IL7: variants seen among roughly 807,000 people sequenced by gnomAD.
IL7 encodes interleukin 7.
Under a neutral mutation model 21.6 loss-of-function variants are expected in IL7, and 3 were observed. That is an observed-to-expected ratio of 0.14 (90% CI 0.06 to 0.36). The LOEUF (loss-of-function observed/expected upper bound fraction) is 0.36. Among genes scored for constraint, IL7 ranks in the 10% least tolerant of loss-of-function variants. IL7 has a pLI of 1.00. For missense variants in IL7, 175 were observed against 200.2 expected (o/e 0.87, Z 0.76); for synonymous variants, 62 against 68.1 (o/e 0.91, Z 0.44).
chr8:78,732,896 A>G lies in IL7; in HGVS notation c.*817T>C, dbSNP rs1418602760. On this transcript the variant is annotated 3_prime_UTR_variant, in exon 6 of 6. Transcript: ENST00000263851. ...AAAATTAAATACAGATATTTCATTA[A>G]TTAAAAGGTAAACATATATTATTAT... is the stretch of plus-strand genomic sequence containing the variant. 1 of 152,112 alleles carries G rather than the reference A, an allele frequency of 6.6e-6. No homozygotes were observed. Among genetic ancestry groups the G allele is most frequent in the Non-Finnish European group, 1.5e-5 (1 of 67,986 alleles). The allele number at this position is 152,112 out of a possible 1,614,324, so 9.4% of individuals were successfully genotyped here. A position where few individuals can be genotyped will look rare whatever the true frequency, so the allele number is the denominator to read the frequency against.
chr8:78,744,659 TCTC>T (rs1480437452), intron 2 of IL7, among the ~76,000 whole-genome samples: 2 of 152,272 alleles, frequency 1.3e-5, no homozygotes, highest in Admixed American at 1.3e-4. Context: ...AAGGATCTAA[TCTC>T]CTGCTTTTCT....
At chr8:78,784,914 C>T (rs1425234406) in intron 2 of IL7, among the ~76,000 whole-genome samples, 3 of 151,912 alleles carry the variant, frequency 2.0e-5, no homozygotes, top group Non-Finnish European at 2.9e-5. Flanking sequence ...GTTCTATTGC[C>T]TAAATTCTGA....
At chr8:78,688,617 C>T (rs955464495) in intron 3 of IL7, among the ~76,000 whole-genome samples, 3 of 152,082 alleles carry the variant, frequency 2.0e-5, no homozygotes, top group African/African-American at 4.8e-5. Flanking sequence ...GTTTAATTTA[C>T]AGTATGCTTT....
intron 2 of IL7, among the ~76,000 whole-genome samples, chr8:78,745,697 G>C (rs1019651679): frequency 6.6e-6 from 1 of 152,120 alleles, no homozygotes; most frequent in African/African-American, 2.4e-5. Context: ...TTATTGTTCA[G>C]CCAGTATTTA....
chr8:78,758,418 T>A (rs1483241706), intron 2 of IL7, among the ~76,000 whole-genome samples: 1 of 152,106 alleles, frequency 6.6e-6, no homozygotes, highest in African/African-American at 2.4e-5. Context: ...CTTTCTTGCT[T>A]TCATTAGTGT....
rs572753795 is a variant in IL7 at position 78,773,308 on chromosome 8, G to T, written c.147+24764C>A. ...CCAGAGAAAACCCACACAGACACGGGGAGAATGTGCTAACTCTACACAGAC... is the reference window on the plus strand; with the variant it reads ...CCAGAGAAAACCCACACAGACACGGTGAGAATGTGCTAACTCTACACAGAC... On this transcript the variant is annotated intron_variant, in intron 2 of 5. Coordinates refer to ENST00000263851, the MANE Select transcript of IL7 (RefSeq NM_000880.4). Among the ~76,000 whole-genome samples the T allele has an allele frequency of 4.8e-4, 73 of 152,186 alleles. 1 individual carries two copies. Among genetic ancestry groups the T allele is most frequent in the African/African-American group, 1.6e-3 (66 of 41,528 alleles).
At chr8:78,719,575 C>T (rs1384994930) in intron 5 of IL7, 1 of 151,580 alleles carries the variant, frequency 6.6e-6, no homozygotes, top group Non-Finnish European at 1.5e-5. Flanking sequence ...AAGTATTTGA[C>T]AGTATGGTAG....
At chr8:78,760,916 G>A (rs1408076548) in intron 2 of IL7, 1 of 1,558,730 alleles carries the variant, frequency 6.4e-7, no homozygotes, top group South Asian at 1.2e-5. Flanking sequence ...GACATCAGAG[G>A]TTTGCCCCTG....
intron 3 of IL7, among the ~76,000 whole-genome samples, chr8:78,721,980 A>C (rs1329274545): frequency 6.6e-6 from 1 of 151,990 alleles, no homozygotes; most frequent in Non-Finnish European, 1.5e-5. Flanking sequence ...TAAGATAAAA[A>C]TTTTCAAATA....
chr8:78,683,167 C>A (rs1809845220), intron 4 of IL7, among the ~76,000 whole-genome samples: 1 of 151,456 alleles, frequency 6.6e-6, no homozygotes, highest in Non-Finnish European at 1.5e-5. Context: ...GGTGGATCTA[C>A]CATTCTGGGG....
intron 3 of IL7, among the ~76,000 whole-genome samples, chr8:78,727,349 A>T (rs1399227297): frequency 6.6e-6 from 1 of 152,014 alleles, no homozygotes; most frequent in African/African-American, 2.4e-5. Flanking sequence ...AGTTGCACTT[A>T]GGAGAGTTGC....
intron 4 of IL7, among the ~76,000 whole-genome samples, chr8:78,683,340 T>A (rs1254533206): frequency 6.6e-6 from 1 of 152,198 alleles, no homozygotes; most frequent in Non-Finnish European, 1.5e-5. Flanking sequence ...CATCCAGGTG[T>A]TTCCATACAT....
intron 4 of IL7, chr8:78,678,861 T>A: frequency 5.3e-6 from 2 of 380,412 alleles, no homozygotes; most frequent in Non-Finnish European, 9.1e-6. Flanking sequence ...ATAAAACAAA[T>A]TTTATTTTAA....
intron 1 of IL7, among the ~76,000 whole-genome samples, chr8:78,800,274 G>A (rs147038056): frequency 2.0e-5 from 3 of 152,116 alleles, no homozygotes; most frequent in African/African-American, 7.2e-5. Flanking sequence ...GTATTCCATG[G>A]TATACATATA....
At chr8:78,690,706 A>G (rs1810183343) in intron 3 of IL7, among the ~76,000 whole-genome samples, 1 of 152,222 alleles carries the variant, frequency 6.6e-6, no homozygotes, top group African/African-American at 2.4e-5. Flanking sequence ...TGACATTTTA[A>G]CAATATTGAG....
chr8:78,687,822 TA>T (rs1163287253), intron 3 of IL7, among the ~76,000 whole-genome samples: 4 of 126,988 alleles, frequency 3.1e-5, no homozygotes, highest in Non-Finnish European at 3.2e-5. Flanking sequence ...TAAATATATA[TA>T]TTCATGTAAT....
chr8:78,786,998 T>C (rs1238327712), intron 2 of IL7, among the ~76,000 whole-genome samples: 1 of 152,186 alleles, frequency 6.6e-6, no homozygotes, highest in Non-Finnish European at 1.5e-5. Context: ...TAGCTGAACA[T>C]GTGGAGGTAT....
intron 3 of IL7, among the ~76,000 whole-genome samples, chr8:78,688,873 A>G (rs995933459): frequency 7.9e-5 from 12 of 152,118 alleles, no homozygotes; most frequent in Non-Finnish European, 1.3e-4. Context: ...CTAGTCTGCT[A>G]TATAAAGTAT....
intron 2 of IL7, among the ~76,000 whole-genome samples, chr8:78,779,874 T>C (rs1813265909): frequency 6.6e-6 from 1 of 152,220 alleles, no homozygotes; most frequent in Admixed American, 6.5e-5. Context: ...TCGCGGGTTT[T>C]CTTGGTTGGC....
Sources: allele counts gnomAD v4.1 joint callset (sites outside exome capture counted in the v4.1 genomes callset), GRCh38; gene constraint gnomAD v4.1.1; transcripts MANE v1.5; gene names NCBI Gene and HGNC (gene_info 2026-07-23, HGNC 2026-07-21).